Variants in PIK3R5 observed in about 807,000 individuals in gnomAD.
PIK3R5 encodes phosphoinositide 3-kinase regulatory subunit 5.
A neutral mutation model predicts 94.9 loss-of-function variants in PIK3R5; 32 were observed. The ratio of observed to expected loss-of-function variants is 0.34; its 90% CI spans 0.25 to 0.45. PIK3R5 has a LOEUF of 0.45. Among genes scored for constraint, PIK3R5 ranks in the 20% least tolerant of loss-of-function variants. The pLI, the probability that PIK3R5 is intolerant of heterozygous loss-of-function variation, is 1.00. For missense variants in PIK3R5, 853 were observed against 1,144.6 expected, an observed-to-expected ratio of 0.75 and a Z score of 3.68; for synonymous variants, 443 against 479.4, an observed-to-expected ratio of 0.92 and a Z score of 0.99.
At chr17:8,886,414 A>G in intron 13 of PIK3R5, 63 bp downstream of exon 13, 1 of 1,601,772 alleles carries the variant, frequency 6.2e-7, no homozygotes, top group Non-Finnish European at 8.5e-7. Context: ...CTCCCGGGGC[A>G]GGGGTGGGGC....
chr17:8,905,942 T>A (rs1311857419), intron 3 of PIK3R5, among the ~76,000 whole-genome samples: 2 of 152,088 alleles, frequency 1.3e-5, no homozygotes, highest in Non-Finnish European at 2.9e-5. Flanking sequence ...CCACAGCTGT[T>A]TCAATGTCCC....
chr17:8,953,550 G>A (rs1449839550), intron 1 of PIK3R5, among the ~76,000 whole-genome samples: 1 of 152,146 alleles, frequency 6.6e-6, no homozygotes, highest in Non-Finnish European at 1.5e-5. Flanking sequence ...TTGCACCTTG[G>A]CCCTACCACT....
chr17:8,944,298 T>G (rs894508386), intron 1 of PIK3R5, among the ~76,000 whole-genome samples: 1 of 152,236 alleles, frequency 6.6e-6, no homozygotes, highest in Non-Finnish European at 1.5e-5. Context: ...ATGGTGTATA[T>G]GTACCACATT....
Position 8,890,684 on chromosome 17 carries a change from G to T in PIK3R5, c.657+54C>A, listed in dbSNP as rs1163330425. The T allele has an allele frequency of 2.7e-6, 4 of 1,462,374 alleles. No individual in the cohort carries two copies. The highest frequency in any genetic ancestry group is 1.4e-5 in the African/African-American group (1 of 71,862). The allele number at this position is 1,462,374 out of a possible 1,614,324, so 90.6% of individuals were successfully genotyped here. ...GTGGCTGAGATGAAGCAGGGAGAGG[G>T]TGCTACCTCCTCAGAGAGGTGCTCC... On this transcript the variant is annotated intron_variant, in intron 7 of 18. Transcript: ENST00000447110. The surrounding 1 kb of genome is among the most constrained non-coding windows in gnomAD (Gnocchi z 6.1).
intron 1 of PIK3R5, among the ~76,000 whole-genome samples, chr17:8,959,557 G>C (rs2091523713): frequency 6.6e-6 from 1 of 152,228 alleles, no homozygotes; most frequent in African/African-American, 2.4e-5. Flanking sequence ...TCTCCTCGAA[G>C]AGTTGTCAGT....
intron 1 of PIK3R5, among the ~76,000 whole-genome samples, chr17:8,943,669 A>T (rs2091225467): frequency 6.6e-6 from 1 of 152,150 alleles, no homozygotes; most frequent in Non-Finnish European, 1.5e-5. Flanking sequence ...GCTGTTCAGG[A>T]GGCTGAGGCA....
rs199732856 is a variant in PIK3R5, at chr17:8,893,046, CTGTGTGTGTG to C, written c.482+530_482+539del. ...GTAACCAGGATACATTTCATTTCAG[CTGTGTGTGTG>C]TGTGTGTGTGTGTGTGTGTGTGTGT... On this transcript the variant is annotated intron_variant, in intron 6 of 18. Coordinates refer to ENST00000447110, the MANE Select transcript of PIK3R5 (RefSeq NM_001142633.3). This position sits in a 1 kb window ranked among gnomAD's most constrained non-coding sequence, Gnocchi z 5.1. 8.8e-5 allele frequency among the ~76,000 whole-genome samples: 12 copies of C among 135,884 alleles called. No homozygotes were observed. Among genetic ancestry groups the C allele is most frequent in the South Asian group, 2.3e-4 (1 of 4,284 alleles). 89.1% of individuals were successfully genotyped at this position (135,884 alleles called of 152,430 possible). A position where few individuals can be genotyped will look rare whatever the true frequency, so the allele number is the denominator to read the frequency against.
chr17:8,959,489 G>C (rs1292676507), intron 1 of PIK3R5, among the ~76,000 whole-genome samples: 3 of 152,160 alleles, frequency 2.0e-5, no homozygotes, highest in Non-Finnish European at 4.4e-5. Context: ...CGAGAGAGAT[G>C]ATCTTTCGCT....
At chr17:8,963,917 A>T (rs1350614728) in intron 1 of PIK3R5, among the ~76,000 whole-genome samples, 1 of 152,076 alleles carries the variant, frequency 6.6e-6, no homozygotes, top group Non-Finnish European at 1.5e-5. Flanking sequence ...CAGGGGAGGG[A>T]GCCCTGAAGC....
At chr17:8,936,216 T>G (rs1326535152) in intron 1 of PIK3R5, among the ~76,000 whole-genome samples, 1 of 152,176 alleles carries the variant, frequency 6.6e-6, no homozygotes, top group Non-Finnish European at 1.5e-5. Context: ...ATTAATATCT[T>G]CCATTAGTGC....
chr17:8,891,764 C>CT (rs796816095), intron 6 of PIK3R5, among the ~76,000 whole-genome samples: 8,402 of 144,502 alleles, frequency 0.058, 709 homozygotes, highest in African/African-American at 0.19. Flanking sequence ...GCCCAGCTAA[C>CT]TTTTTTTTTT....
chr17:8,880,109 T>C lies in PIK3R5; in HGVS notation c.*530A>G, dbSNP rs2089617857. On this transcript the variant is annotated 3_prime_UTR_variant, in exon 19 of 19. Transcript: ENST00000447110. ...GTGCGTGTGTGTGTGCGCATGTGCG[T>C]ACATGCATGCCATGTGTGTGTGGTG... The C allele has an allele frequency of 6.5e-6, 1 of 152,934 alleles. No homozygotes were observed. Among genetic ancestry groups the C allele is most frequent in the African/African-American group, 2.4e-5 (1 of 41,432 alleles). 9.5% of individuals were successfully genotyped at this position (152,934 alleles called of 1,614,324 possible).
intron 5 of PIK3R5, among the ~76,000 whole-genome samples, chr17:8,903,773 A>G (rs978735477): frequency 1.3e-5 from 2 of 152,202 alleles, no homozygotes; most frequent in Non-Finnish European, 2.9e-5. Flanking sequence ...TTATAAAAAA[A>G]GCTCTTAGCT....
chr17:8,955,154 C>A lies in PIK3R5; in HGVS notation c.-14+10442G>T, dbSNP rs180742657. ...GGAGGGTCCTTGAGGGGAGGATGAC[C>A]GAACCCCACAGAGGTCTCAGATGGG... On this transcript the variant is annotated intron_variant, in intron 1 of 18. Coordinates refer to ENST00000447110, the MANE Select transcript of PIK3R5 (RefSeq NM_001142633.3). This position sits in a 1 kb window ranked among gnomAD's most constrained non-coding sequence, Gnocchi z 4.4. Among the ~76,000 whole-genome samples, 47 of 152,210 alleles carry A rather than the reference C, an allele frequency of 3.1e-4. No individual in the cohort carries two copies. Among genetic ancestry groups the A allele is most frequent in the Non-Finnish European group, 5.6e-4 (38 of 68,010 alleles).
At position 8,881,919 on chromosome 17, in the gene PIK3R5, G is replaced by C. The variant is rs1348654646; in HGVS notation, c.2206-38C>G. On this transcript the variant is annotated intron_variant, in intron 15 of 18. Transcript: ENST00000447110. The surrounding 1 kb of genome is among the most constrained non-coding windows in gnomAD (Gnocchi z 4.8). Reference sequence around the variant, plus strand: ...TGTAGCCAGACCCTCTGAGTCCAGAGGCCCCGGTGCCTGCTGCCTTCTCTT... The same window carrying C: ...TGTAGCCAGACCCTCTGAGTCCAGACGCCCCGGTGCCTGCTGCCTTCTCTT... The C allele has an allele frequency of 7.9e-6, 12 of 1,513,544 alleles. No homozygotes were observed. The highest frequency in any genetic ancestry group is 1.0e-5 in the Non-Finnish European group (11 of 1,095,966). 93.8% of individuals were successfully genotyped at this position (1,513,544 alleles called of 1,614,324 possible).
chr17:8,937,258 G>A (rs960001047), intron 1 of PIK3R5, among the ~76,000 whole-genome samples: 17 of 152,002 alleles, frequency 1.1e-4, no homozygotes, highest in Non-Finnish European at 2.5e-4. Flanking sequence ...TTATATTTTT[G>A]CTTTACGTAG....
chr17:8,883,091 C>T (rs142615240), intron 15 of PIK3R5, among the ~76,000 whole-genome samples: 218 of 152,300 alleles, frequency 1.4e-3, no homozygotes, highest in Non-Finnish European at 2.1e-3. Flanking sequence ...TTCATTGGGT[C>T]GGGCGTGGTG....
chr17:8,913,827 A>G (rs2090578385), intron 1 of PIK3R5, among the ~76,000 whole-genome samples: 1 of 152,226 alleles, frequency 6.6e-6, no homozygotes, highest in Admixed American at 6.5e-5. Flanking sequence ...TGACTTTTAC[A>G]GTTGCCTTTG....
At chr17:8,883,972 C>A (rs560746745) in intron 15 of PIK3R5, among the ~76,000 whole-genome samples, 3 of 152,202 alleles carry the variant, frequency 2.0e-5, no homozygotes, top group African/African-American at 7.2e-5. Flanking sequence ...CCAACACCAC[C>A]GTCCATCTGC....
Sources: allele counts gnomAD v4.1 joint callset (sites outside exome capture counted in the v4.1 genomes callset), GRCh38; gene constraint gnomAD v4.1.1; non-coding constraint Gnocchi (gnomAD v3.1); transcripts MANE v1.5; gene names NCBI Gene and HGNC (gene_info 2026-07-23, HGNC 2026-07-21).